The following TENT5D variants were observed in gnomAD, a reference collection of about 807,000 sequenced individuals.
TENT5D encodes the protein terminal nucleotidyltransferase 5D.
For missense variants in TENT5D, 191 were observed against 287.0 expected (o/e 0.67, Z 2.42); for synonymous variants, 103 against 100.6 (o/e 1.02, Z -0.15).
intron 1 of TENT5D, among the ~76,000 whole-genome samples, chrX:80,438,076 T>G (rs1199556183): frequency 9.0e-6 from 1 of 111,477 alleles, no homozygotes; most frequent in African/African-American, 3.3e-5. Flanking sequence ...TTCTGTATTA[T>G]TTAATGTAAT....
At chrX:80,363,757 G>T (rs773051681) in intron 3 of TENT5D, among the ~76,000 whole-genome samples, 1 of 111,456 alleles carries the variant, frequency 9.0e-6, no homozygotes, top group Non-Finnish European at 1.9e-5. Context: ...CATTTGTCCT[G>T]GTTCCTCTTC....
At chrX:80,428,536 T>C (rs990863934) in intron 1 of TENT5D, among the ~76,000 whole-genome samples, 2 of 112,616 alleles carry the variant, frequency 1.8e-5, no homozygotes, top group Admixed American at 1.9e-4. Context: ...GCCTTCCTTA[T>C]GGGAAGACTG....
At position 80,407,292 on chromosome X, in the gene TENT5D, A is replaced by G. The variant is rs1454121844; in HGVS notation, c.-141-31318A>G. On this transcript the variant is annotated intron_variant, in intron 3 of 4. Transcript: ENST00000538312. ...AAATGGACTAAATGCTCCAATTAAA[A>G]GACACAGACTGGCAAATTGGATAAA... Among the ~76,000 whole-genome samples the G allele has an allele frequency of 2.9e-4, 32 of 111,362 alleles. No homozygotes were observed. The South Asian group carries it at 7.7e-3, about 27-fold the overall frequency.
chrX:80,343,682 G>A (rs975097386), intron 3 of TENT5D, among the ~76,000 whole-genome samples: 1 of 111,350 alleles, frequency 9.0e-6, no homozygotes, highest in African/African-American at 3.3e-5. Context: ...TTACAGGCAT[G>A]AGCCACCGCG....
intron 3 of TENT5D, among the ~76,000 whole-genome samples, chrX:80,344,104 CTA>C (rs1374387048): frequency 9.1e-6 from 1 of 110,325 alleles, no homozygotes; most frequent in Non-Finnish European, 1.9e-5. Context: ...CAAGATGCAT[CTA>C]TGTTGCTGCA....
At chrX:80,349,005 G>A (rs775405874) in intron 3 of TENT5D, among the ~76,000 whole-genome samples, 49 of 112,067 alleles carry the variant, frequency 4.4e-4, no homozygotes, top group Admixed American at 2.3e-3. Context: ...TCCCAGGGAT[G>A]AAGCCATCTT....
At chrX:80,423,577 C>T (rs1313863101) in intron 1 of TENT5D, among the ~76,000 whole-genome samples, 7 of 110,576 alleles carry the variant, frequency 6.3e-5, no homozygotes, top group Non-Finnish European at 7.6e-5. Context: ...TTGGGGCTAC[C>T]TAGCTTGGCC....
At chrX:80,413,341 A>G (rs990262737) in intron 3 of TENT5D, among the ~76,000 whole-genome samples, 14 of 112,068 alleles carry the variant, frequency 1.2e-4, no homozygotes, top group African/African-American at 4.5e-4. Context: ...AAATACATAG[A>G]CATATTCGAC....
intron 3 of TENT5D, among the ~76,000 whole-genome samples, chrX:80,351,466 C>T (rs1401751127): frequency 6.5e-5 from 7 of 107,571 alleles, no homozygotes; most frequent in South Asian, 4.1e-4. Flanking sequence ...GTATGCTTCA[C>T]GAAGTTCTTG....
At chrX:80,425,788 G>A (rs138449050) in intron 1 of TENT5D, among the ~76,000 whole-genome samples, 1,534 of 111,718 alleles carry the variant, frequency 0.014, 12 homozygotes, top group Non-Finnish European at 0.02. Context: ...CAGCACTTTG[G>A]GAAGCTGAGG....
At chrX:80,394,174 C>T (rs779598229) in intron 3 of TENT5D, among the ~76,000 whole-genome samples, 37 of 111,379 alleles carry the variant, frequency 3.3e-4, no homozygotes, top group African/African-American at 1.1e-3. Context: ...TTCCCACCAA[C>T]GGTGTACAAG....
At position 80,421,842 on chromosome X, in the gene TENT5D, G is replaced by A. The variant is rs1297784368; in HGVS notation, c.-142+1279G>A. Among the ~76,000 whole-genome samples, 6 of 110,982 alleles carry A rather than the reference G, an allele frequency of 5.4e-5. 1 individual carries two copies. Among genetic ancestry groups the A allele is most frequent in the African/African-American group, 9.8e-5 (3 of 30,463 alleles). Reference sequence around the variant, plus strand: ...AAAAGTGACTAGAAAAAAATGCCACGTCTTTCAGCAAAACTGCCTTCTGAG... The same window carrying A: ...AAAAGTGACTAGAAAAAAATGCCACATCTTTCAGCAAAACTGCCTTCTGAG... On this transcript the variant is annotated intron_variant, in intron 1 of 2. Transcript: ENST00000308293.
At chrX:80,443,669 A>G (rs376757382) in exon 3 of TENT5D, 5 of 1,200,806 alleles carry the variant, frequency 4.2e-6, no homozygotes, top group Non-Finnish European at 4.5e-6. Flanking sequence ...TTCCAGCCAT[A>G]CCACCCACTG....
At chrX:80,391,409 CTAAAT>C (rs1323772611) in intron 3 of TENT5D, among the ~76,000 whole-genome samples, 1 of 111,844 alleles carries the variant, frequency 8.9e-6, no homozygotes, top group Non-Finnish European at 1.9e-5. Context: ...ATACTTTAAA[CTAAAT>C]AATATTCTGC....
At chrX:80,382,197 T>TTC (rs1420713470) in intron 3 of TENT5D, among the ~76,000 whole-genome samples, 4 of 112,286 alleles carry the variant, frequency 3.6e-5, no homozygotes, top group Non-Finnish European at 7.5e-5. Context: ...TTAGTTTTCC[T>TTC]TCTAACAGTC....
intron 3 of TENT5D, among the ~76,000 whole-genome samples, chrX:80,385,898 G>T (rs995822269): frequency 4.5e-5 from 5 of 112,209 alleles, no homozygotes; most frequent in African/African-American, 1.6e-4. Flanking sequence ...AGTTAGAATG[G>T]TGATCATTAA....
In TENT5D at chrX:80,345,290, G is replaced by A. The variant is rs779090049; in HGVS notation, c.-142+2726G>A. Among the ~76,000 whole-genome samples, 5 of 110,936 alleles carry A rather than the reference G, an allele frequency of 4.5e-5. 1 individual carries two copies. The South Asian group carries it at 1.9e-3, about 43-fold the overall frequency. On this transcript the variant is annotated intron_variant, in intron 3 of 4. Transcript: ENST00000538312. ...GATTCCAGAGATTCCTTCCAGTTTC[G>A]CTTGAGAGTCCCTTTGTAAAATGCC...
At chrX:80,352,117 C>T (rs1335894626) in intron 3 of TENT5D, among the ~76,000 whole-genome samples, 1 of 112,168 alleles carries the variant, frequency 8.9e-6, no homozygotes, top group African/African-American at 3.2e-5. Context: ...AGTCAGGAGG[C>T]ATGAGGGTCA....
chrX:80,339,840 A>G (rs980607544), intron 2 of TENT5D, among the ~76,000 whole-genome samples: 3 of 107,371 alleles, frequency 2.8e-5, no homozygotes, highest in Non-Finnish European at 3.8e-5. Context: ...GGTGATTATA[A>G]TAGATAGTTA....
Sources: gnomAD v4.1 joint callset for allele counts (sites outside exome capture counted in the v4.1 genomes callset) on GRCh38, gnomAD v4.1.1 for gene constraint, MANE v1.5 for transcripts, NCBI Gene and HGNC (gene_info 2026-07-23, HGNC 2026-07-21) for gene names.